The following PIBF1 variants were observed in gnomAD, a reference collection of about 807,000 sequenced individuals.
PIBF1 encodes the protein progesterone immunomodulatory binding factor 1.
PIBF1 carries 90 observed loss-of-function variants against 112.5 expected under a neutral mutation model. The ratio of observed to expected loss-of-function variants is 0.80; its 90% CI spans 0.67 to 0.95. The LOEUF (loss-of-function observed/expected upper bound fraction) is 0.95, where lower values mean the gene tolerates loss of function less well. Ranked by LOEUF, PIBF1 falls within the 40% of genes least tolerant of loss-of-function variation. The pLI, the probability that PIBF1 is intolerant of heterozygous loss-of-function variation, is 0.00. For synonymous variants in PIBF1, 301 were observed against 288.6 expected, an observed-to-expected ratio of 1.04 and a Z score of -0.44; for missense variants, 915 against 852.3, an observed-to-expected ratio of 1.07 and a Z score of -0.92.
chr13:72,888,941 T>G (rs2039958470), intron 10 of PIBF1, among the ~76,000 whole-genome samples: 1 of 152,070 alleles, frequency 6.6e-6, no homozygotes, highest in Admixed American at 6.6e-5. Flanking sequence ...GACCCACACC[T>G]GTAATCCCAG....
chr13:73,005,275 T>C (rs968127145), intron 17 of PIBF1, among the ~76,000 whole-genome samples: 6 of 151,608 alleles, frequency 4.0e-5, no homozygotes, highest in African/African-American at 7.3e-5. Context: ...CAAAAACTTT[T>C]GTGAGATCCT....
chr13:72,948,703 TC>T (rs1378299828), intron 14 of PIBF1, among the ~76,000 whole-genome samples: 1 of 152,138 alleles, frequency 6.6e-6, no homozygotes, highest in African/African-American at 2.4e-5. Flanking sequence ...GATTCACAGA[TC>T]CACAGAGCTG....
chr13:72,827,121 A>G lies in PIBF1; in HGVS notation c.915+3A>G, dbSNP rs2036847748. 7 of 1,494,976 alleles carry G rather than the reference A, an allele frequency of 4.7e-6. No individual in the cohort carries two copies. Among genetic ancestry groups the G allele is most frequent in the Non-Finnish European group, 6.4e-6 (7 of 1,086,234 alleles). 92.6% of individuals were successfully genotyped at this position (1,494,976 alleles called of 1,614,324 possible). A position where few individuals can be genotyped will look rare whatever the true frequency, so the allele number is the denominator to read the frequency against. On this transcript the variant is annotated splice_donor_region_variant and intron_variant, in intron 7 of 17. Coordinates refer to ENST00000326291, the MANE Select transcript of PIBF1 (RefSeq NM_006346.4). ...AACGAAGTGAATTATCAAAAGAGGT[A>G]AGCTTATAATTAGAGTCACTTATAT...
At chr13:72,921,381 A>G (rs971539099) in intron 13 of PIBF1, among the ~76,000 whole-genome samples, 7 of 152,132 alleles carry the variant, frequency 4.6e-5, no homozygotes, top group African/African-American at 1.7e-4. Flanking sequence ...CCAAACTACA[A>G]GGATTACAGG....
At chr13:72,975,132 G>A (rs921199100) in intron 16 of PIBF1, among the ~76,000 whole-genome samples, 11 of 149,466 alleles carry the variant, frequency 7.4e-5, no homozygotes, top group Admixed American at 2.0e-4. Context: ...CTCGGCTCAC[G>A]GCAACCTCTG....
At chr13:72,891,893 G>A (rs1308957087) in intron 10 of PIBF1, among the ~76,000 whole-genome samples, 1 of 152,034 alleles carries the variant, frequency 6.6e-6, no homozygotes, top group East Asian at 1.9e-4. Flanking sequence ...ATGAAATGTT[G>A]ATTCATTCTA....
chr13:72,977,239 C>T (rs2043045250), intron 16 of PIBF1, among the ~76,000 whole-genome samples: 1 of 152,082 alleles, frequency 6.6e-6, no homozygotes, highest in Non-Finnish European at 1.5e-5. Flanking sequence ...GAGTCTTGCT[C>T]TGTCACCCAG....
chr13:72,920,238 G>A (rs2041241346), intron 13 of PIBF1, among the ~76,000 whole-genome samples: 1 of 152,162 alleles, frequency 6.6e-6, no homozygotes, highest in South Asian at 2.1e-4. Context: ...TTGAACATGT[G>A]CCTAATGGGC....
intron 14 of PIBF1, among the ~76,000 whole-genome samples, chr13:72,941,041 A>G (rs1213370653): frequency 1.3e-5 from 2 of 152,218 alleles, no homozygotes; most frequent in East Asian, 3.8e-4. Flanking sequence ...ACAGCTCCTT[A>G]ACTCAGGGAA....
At chr13:72,916,412 A>AT (rs201272298) in intron 12 of PIBF1, among the ~76,000 whole-genome samples, 86 of 144,718 alleles carry the variant, frequency 5.9e-4, no homozygotes, top group African/African-American at 2.2e-3. Context: ...ATATATATAT[A>AT]TATTTTTTTA....
At chr13:72,884,144 T>C (rs1427560750) in intron 10 of PIBF1, among the ~76,000 whole-genome samples, 1 of 152,216 alleles carries the variant, frequency 6.6e-6, no homozygotes, top group Non-Finnish European at 1.5e-5. Flanking sequence ...TCCTAAATTT[T>C]GTATTAGCAG....
intron 10 of PIBF1, among the ~76,000 whole-genome samples, chr13:72,860,495 A>G (rs989390669): frequency 6.6e-5 from 10 of 152,240 alleles, no homozygotes; most frequent in African/African-American, 2.4e-4. Flanking sequence ...TTTATTCTTC[A>G]GAGGTTAAAT....
chr13:72,979,095 C>G (rs900830691), intron 16 of PIBF1, among the ~76,000 whole-genome samples: 1 of 151,986 alleles, frequency 6.6e-6, no homozygotes, highest in Non-Finnish European at 1.5e-5. Context: ...CTGGGGAAGT[C>G]GAAGCAGAAA....
At chr13:72,801,448 G>T (rs1696337144) in intron 5 of PIBF1, among the ~76,000 whole-genome samples, 1 of 151,990 alleles carries the variant, frequency 6.6e-6, no homozygotes, top group Admixed American at 6.6e-5. Context: ...ACCATAAAAT[G>T]TACACAAATC....
At chr13:72,978,267 A>G (rs957423162) in intron 16 of PIBF1, among the ~76,000 whole-genome samples, 6 of 152,206 alleles carry the variant, frequency 3.9e-5, no homozygotes, top group African/African-American at 1.4e-4. Context: ...GCAGTCTACT[A>G]AGTACATCCA....
At chr13:72,960,239 C>A (rs1161190459) in intron 14 of PIBF1, among the ~76,000 whole-genome samples, 1 of 152,056 alleles carries the variant, frequency 6.6e-6, no homozygotes, top group Non-Finnish European at 1.5e-5. Context: ...TGGCCCTTAA[C>A]TTTGTTTATA....
At position 72,827,112 on chromosome 13, in the gene PIBF1, A is replaced by C. The variant is rs777466428; in HGVS notation, c.909A>C (p.Ser303=). 15 of 1,538,872 alleles carry C rather than the reference A, an allele frequency of 9.7e-6. No homozygotes were observed. In the Admixed American group the frequency reaches 1.6e-4, roughly 16 times the overall value. The change falls in exon 7 of 18, where the codon TCA becomes TCC. Residue 303 remains serine (S), a synonymous_variant. Coordinates refer to ENST00000326291, the MANE Select transcript of PIBF1 (RefSeq NM_006346.4). ...AAACAAAAGAACGAAGTGAATTATC[A>C]AAAGAGGTAAGCTTATAATTAGAGT... The part of the protein sequence containing the change: ...MIQTKERSEL[S]KEVVTLEQTV...
chr13:72,938,467 T>C (rs2041930490), intron 14 of PIBF1, among the ~76,000 whole-genome samples: 1 of 152,154 alleles, frequency 6.6e-6, no homozygotes, highest in Non-Finnish European at 1.5e-5. Flanking sequence ...TATTTGGCCT[T>C]TTGTGTCTGG....
intron 14 of PIBF1, among the ~76,000 whole-genome samples, chr13:72,952,727 C>CTGTA (rs3077698): frequency 0.77 from 115,275 of 149,058 alleles, 44,863 homozygotes; most frequent in South Asian, 0.85. Context: ...TGTGAAGACT[C>CTGTA]TGAGTTCCTT....
Sources: gnomAD v4.1 joint callset for allele counts (sites outside exome capture counted in the v4.1 genomes callset) on GRCh38, gnomAD v4.1.1 for gene constraint, MANE v1.5 for transcripts, NCBI Gene and HGNC (gene_info 2026-07-23, HGNC 2026-07-21) for gene names.